The following RASA2 variants were observed in gnomAD, a reference collection of about 807,000 sequenced individuals.
The protein encoded by RASA2 is ras GTPase-activating protein 2.
RASA2 carries 155 observed loss-of-function variants against 118.2 expected under a neutral mutation model. The observed-to-expected ratio is 1.31, with a 90% CI of 1.15 to 1.50. The LOEUF (loss-of-function observed/expected upper bound fraction) is 1.50. RASA2 is among the 40% of genes most tolerant of loss of function. RASA2 has a pLI of 0.00. For missense variants in RASA2, 1,016 were observed against 1,009.6 expected (o/e 1.01, Z -0.09); for synonymous variants, 353 against 349.1 (o/e 1.01, Z -0.12).
At chr3:141,578,623 G>GT in intron 15 of RASA2, 1 of 152,246 alleles carries the variant, frequency 6.6e-6, no homozygotes, top group Non-Finnish European at 1.5e-5. Flanking sequence ...CCAGCAGAGA[G>GT]TGGGCCAGTG....
At position 141,571,430 on chromosome 3, in the gene RASA2, A is replaced by AT; in HGVS notation, c.1049dup (p.Leu350PhefsTer3). 1 of 1,613,668 alleles carries AT rather than the reference A, an allele frequency of 6.2e-7. No homozygotes were observed. Among genetic ancestry groups the AT allele is most frequent in the Non-Finnish European group, 8.5e-7 (1 of 1,179,834 alleles). ...GCCAATATCTGCCTCAGCTGCTTACATTTTGAGTGAAATATGTCGAGATAA... is the reference window on the plus strand; with the variant it reads ...GCCAATATCTGCCTCAGCTGCTTACATTTTTGAGTGAAATATGTCGAGATAA... On this transcript the variant is annotated frameshift_variant, in exon 11 of 24. Coordinates refer to ENST00000286364, the MANE Select transcript of RASA2 (RefSeq NM_006506.5). LOFTEE classifies it high-confidence loss of function.
intron 19 of RASA2, among the ~76,000 whole-genome samples, chr3:141,587,199 A>G (rs769350479): frequency 1.6e-4 from 25 of 152,218 alleles, no homozygotes; most frequent in Admixed American, 2.6e-4. Context: ...ACAGTTGTCA[A>G]ATTCATCCTA....
intron 1 of RASA2, among the ~76,000 whole-genome samples, chr3:141,503,937 CAACTT>C (rs1390253786): frequency 2.3e-4 from 35 of 152,258 alleles, no homozygotes; most frequent in Middle Eastern, 3.4e-3. Context: ...TGACATAAAT[CAACTT>C]AAATGAAATG....
chr3:141,497,491 T>G (rs1248039200), intron 1 of RASA2, among the ~76,000 whole-genome samples: 3 of 152,174 alleles, frequency 2.0e-5, no homozygotes, highest in Non-Finnish European at 4.4e-5. Context: ...GACTATCCTA[T>G]CTGCAAAACA....
At chr3:141,583,356 T>A (rs2083146690) in intron 17 of RASA2, among the ~76,000 whole-genome samples, 1 of 151,692 alleles carries the variant, frequency 6.6e-6, no homozygotes, top group Non-Finnish European at 1.5e-5. Flanking sequence ...ACCCAGGAGG[T>A]AGAGGTTGCA....
At chr3:141,575,706 G>A (rs900564959) in intron 14 of RASA2, among the ~76,000 whole-genome samples, 1 of 152,156 alleles carries the variant, frequency 6.6e-6, no homozygotes, top group African/African-American at 2.4e-5. Context: ...TATACTAACT[G>A]GTGATCTTGG....
At chr3:141,553,517 T>C (rs1182568157) in intron 5 of RASA2, among the ~76,000 whole-genome samples, 1 of 152,180 alleles carries the variant, frequency 6.6e-6, no homozygotes, top group Non-Finnish European at 1.5e-5. Context: ...CAGTGAGCAT[T>C]TCCTTGGAGC....
intron 19 of RASA2, among the ~76,000 whole-genome samples, chr3:141,598,159 G>C (rs1446430817): frequency 6.6e-6 from 1 of 152,052 alleles, no homozygotes; most frequent in Non-Finnish European, 1.5e-5. Context: ...AAGTCTTTTA[G>C]AAAACAGAGG....
intron 3 of RASA2, among the ~76,000 whole-genome samples, chr3:141,522,958 G>A (rs2082132398): frequency 6.6e-6 from 1 of 152,036 alleles, no homozygotes; most frequent in Admixed American, 6.6e-5. Flanking sequence ...TTCTCACTGA[G>A]TCTGCAGGGC....
intron 3 of RASA2, among the ~76,000 whole-genome samples, chr3:141,526,982 T>C (rs905432230): frequency 6.6e-6 from 1 of 152,192 alleles, no homozygotes; most frequent in South Asian, 2.1e-4. Context: ...TGAGATGTAT[T>C]TCCAGTGATC....
intron 4 of RASA2, among the ~76,000 whole-genome samples, chr3:141,530,270 C>T (rs2082241983): frequency 6.6e-6 from 1 of 152,058 alleles, no homozygotes; most frequent in South Asian, 2.1e-4. Context: ...CCCACACCCA[C>T]CCTTTCCTGT....
At chr3:141,559,086 G>C in intron 8 of RASA2, 124 bp downstream of exon 8, 1 of 677,908 alleles carries the variant, frequency 1.5e-6, no homozygotes, top group African/African-American at 1.9e-5. Flanking sequence ...ATGAAACTTA[G>C]AGGAATATGC....
chr3:141,540,659 T>C (rs1325750492), intron 5 of RASA2, 50 bp downstream of exon 5: 1 of 1,494,072 alleles, frequency 6.7e-7, no homozygotes, highest in East Asian at 2.3e-5. Context: ...CTCCATTTTG[T>C]ATTCTTTCGA....
intron 2 of RASA2, among the ~76,000 whole-genome samples, chr3:141,513,254 TC>T (rs1178991056): frequency 1.1e-4 from 16 of 151,734 alleles, no homozygotes; most frequent in African/African-American, 3.9e-4. Flanking sequence ...CTTTGAAGTT[TC>T]CCTTTATGTC....
Position 141,608,710 on chromosome 3 carries a change from C to G in RASA2, c.2225+13C>G, listed in dbSNP as rs753279847. 4 of 1,605,618 alleles carry G rather than the reference C, an allele frequency of 2.5e-6. No homozygotes were observed. In the South Asian group the frequency reaches 3.3e-5, roughly 13 times the overall value. ...AGCCATGTACTGCGTAAGTTTCTTT[C>G]TGATTATAAAAGCAGTGTGTCAAAA... On this transcript the variant is annotated intron_variant, in intron 21 of 23. Transcript: ENST00000286364.
intron 1 of RASA2, among the ~76,000 whole-genome samples, chr3:141,489,703 G>C (rs2081617430): frequency 6.6e-6 from 1 of 152,222 alleles, no homozygotes; most frequent in South Asian, 2.1e-4. Flanking sequence ...CCAGTGAAAA[G>C]TGAGGATGGA....
At chr3:141,517,490 T>C (rs1282988850) in intron 3 of RASA2, among the ~76,000 whole-genome samples, 2 of 152,044 alleles carry the variant, frequency 1.3e-5, no homozygotes, top group Non-Finnish European at 2.9e-5. Context: ...ACTTTTACAA[T>C]AACCAGATCT....
chr3:141,536,764 T>C (rs944710754), intron 4 of RASA2, among the ~76,000 whole-genome samples: 5 of 149,550 alleles, frequency 3.3e-5, no homozygotes, highest in Non-Finnish European at 7.4e-5. Flanking sequence ...TTAGATTCTT[T>C]TTTTTTTTTT....
At chr3:141,608,782 A>T (rs2083589553) in intron 21 of RASA2, 85 bp downstream of exon 21, 1 of 1,395,682 alleles carries the variant, frequency 7.2e-7, no homozygotes, top group Non-Finnish European at 9.9e-7. Context: ...ATGAAAAGGA[A>T]TGACATACTG....
Sources: gnomAD v4.1 joint callset for allele counts (sites outside exome capture counted in the v4.1 genomes callset) on GRCh38, gnomAD v4.1.1 for gene constraint, MANE v1.5 for transcripts, NCBI Gene and HGNC (gene_info 2026-07-23, HGNC 2026-07-21) for gene names.